Variants in ANO10 observed in about 807,000 individuals in gnomAD.
ANO10 encodes the protein anoctamin 10.
A neutral mutation model predicts 74.7 loss-of-function variants in ANO10; 77 were observed. The observed-to-expected ratio is 1.03, with a 90% CI of 0.86 to 1.25. ANO10 has a LOEUF of 1.25. Among genes scored for constraint, ANO10 ranks in the 50% most tolerant of loss-of-function variants. The pLI, the probability that ANO10 is intolerant of heterozygous loss-of-function variation, is 0.00. For synonymous variants in ANO10, 279 were observed against 284.9 expected (o/e 0.98, Z 0.21); for missense variants, 721 against 778.1 (o/e 0.93, Z 0.87).
intron 11 of ANO10, among the ~76,000 whole-genome samples, chr3:43,474,531 T>C (rs2075993319): frequency 6.6e-6 from 1 of 152,238 alleles, no homozygotes; most frequent in African/African-American, 2.4e-5. Flanking sequence ...TCATTAACTT[T>C]GGTTGTCCAT....
At chr3:43,486,011 A>C in intron 11 of ANO10, 1 of 264,454 alleles carries the variant, frequency 3.8e-6, no homozygotes, top group Non-Finnish European at 7.4e-6. Flanking sequence ...AATGGCTGCC[A>C]CAGGGCCAGC....
chr3:43,581,300 CA>C (rs1316479942), intron 4 of ANO10, among the ~76,000 whole-genome samples: 1 of 152,170 alleles, frequency 6.6e-6, no homozygotes, highest in Non-Finnish European at 1.5e-5. Flanking sequence ...TAGCAAATAA[CA>C]AAATCAAATT....
intron 12 of ANO10, among the ~76,000 whole-genome samples, chr3:43,376,774 C>A (rs1028776673): frequency 6.6e-6 from 1 of 152,220 alleles, no homozygotes; most frequent in Non-Finnish European, 1.5e-5. Context: ...ATGACTTTGG[C>A]ATGGCTCCTT....
chr3:43,380,412 A>T (rs962880208), intron 12 of ANO10, among the ~76,000 whole-genome samples: 2 of 152,230 alleles, frequency 1.3e-5, no homozygotes, highest in African/African-American at 4.8e-5. Context: ...TGAAGGAAAG[A>T]ATCTTAAGAG....
intron 1 of ANO10, among the ~76,000 whole-genome samples, chr3:43,653,519 A>G (rs909263124): frequency 6.6e-6 from 1 of 152,246 alleles, no homozygotes; most frequent in Non-Finnish European, 1.5e-5. Flanking sequence ...AATATAAATC[A>G]AATGCTTAAA....
intron 11 of ANO10, among the ~76,000 whole-genome samples, chr3:43,480,998 A>ATTACTAATTGTATAATAATACAC (rs1339291400): frequency 8.5e-5 from 13 of 152,072 alleles, no homozygotes; most frequent in Non-Finnish European, 1.0e-4. Context: ...TAATAATACA[A>ATTACTAATTGTATAATAATACAC]TATACTAATT....
At chr3:43,497,443 A>G (rs946217869) in intron 11 of ANO10, among the ~76,000 whole-genome samples, 1 of 152,138 alleles carries the variant, frequency 6.6e-6, no homozygotes, top group Non-Finnish European at 1.5e-5. Context: ...CAGAGTTTCA[A>G]CCTCTGGCAA....
chr3:43,378,767 T>C (rs1440054003), intron 12 of ANO10, among the ~76,000 whole-genome samples: 1 of 152,160 alleles, frequency 6.6e-6, no homozygotes, highest in Non-Finnish European at 1.5e-5. Flanking sequence ...ACCCCTTCTA[T>C]AGAGCCTGGG....
rs2149396061 is a variant in ANO10 at position 43,574,855 on chromosome 3, C to A, written c.1172G>T (p.Arg391Ile). 1 of 1,613,916 alleles carries A rather than the reference C, an allele frequency of 6.2e-7. No individual in the cohort carries two copies. The highest frequency in any genetic ancestry group is 1.1e-5 in the South Asian group (1 of 91,076). Residue 391 changes from arginine (R) to isoleucine (I), a missense_variant, in exon 7 of 13, where the codon AGA becomes ATA. Physicochemically the swap from Arg to Ile is moderately conservative, Grantham distance 97. Transcript: ENST00000292246. ...AEFLTSWENHRLESAYQNHLI... is the reference protein window; with the variant it reads ...AEFLTSWENHILESAYQNHLI... ...ATGGTTCTGATAGGCAGATTCCAAT[C>A]TGTGATTCTCTAAAACATTAAAACA...
chr3:43,372,920 CTT>C, intron 12 of ANO10: 1 of 1,425,434 alleles, frequency 7.0e-7, no homozygotes, highest in South Asian at 1.3e-5. Context: ...TGTGAAGCCT[CTT>C]TTTTTCATGC....
intron 4 of ANO10, among the ~76,000 whole-genome samples, chr3:43,585,669 T>C (rs2081449851): frequency 6.6e-6 from 1 of 152,128 alleles, no homozygotes; most frequent in African/African-American, 2.4e-5. Context: ...ATTATCAATG[T>C]GGATGAAAAG....
chr3:43,673,863 T>C (rs1432146464), intron 1 of ANO10, among the ~76,000 whole-genome samples: 1 of 152,152 alleles, frequency 6.6e-6, no homozygotes, highest in Non-Finnish European at 1.5e-5. Flanking sequence ...TCCTTTACTC[T>C]TTCTTCTCTG....
chr3:43,561,214 A>T lies in ANO10; in HGVS notation c.1476+6T>A, dbSNP rs377036141. 3.1e-6 allele frequency: 5 copies of T among 1,614,044 alleles called. No homozygotes were observed. Among genetic ancestry groups the T allele is most frequent in the Non-Finnish European group, 4.2e-6 (5 of 1,179,926 alleles). Reference sequence around the variant, plus strand: ...AAATGTTTAATTCAGCAATATTCCAACTTACCAAATAAGTTCCCATTTCTT... The same window carrying T: ...AAATGTTTAATTCAGCAATATTCCATCTTACCAAATAAGTTCCCATTTCTT... On this transcript the variant is annotated splice_donor_region_variant and intron_variant, in intron 9 of 12. Coordinates refer to ENST00000292246, the MANE Select transcript of ANO10 (RefSeq NM_018075.5).
intron 6 of ANO10, among the ~76,000 whole-genome samples, chr3:43,575,354 A>T (rs1352411527): frequency 6.6e-6 from 1 of 152,230 alleles, no homozygotes; most frequent in African/African-American, 2.4e-5. Context: ...AGATAAAATG[A>T]CAAAAAGGAA....
intron 1 of ANO10, among the ~76,000 whole-genome samples, chr3:43,642,269 C>A (rs2083678324): frequency 6.6e-6 from 1 of 152,188 alleles, no homozygotes; most frequent in Admixed American, 6.5e-5. Flanking sequence ...TTTTCTGTTA[C>A]ACTGAAAGTT....
chr3:43,374,105 T>C (rs1445029041), intron 12 of ANO10, among the ~76,000 whole-genome samples: 1 of 152,160 alleles, frequency 6.6e-6, no homozygotes, highest in Non-Finnish European at 1.5e-5. Context: ...CTCCAGGCTG[T>C]GGGGCTCAGG....
rs566208713 is a variant in ANO10, at chr3:43,483,795, T to C, written c.1798-51068A>G. 9.2e-5 allele frequency among the ~76,000 whole-genome samples: 14 copies of C among 152,250 alleles called. No homozygotes were observed. The South Asian group carries it at 2.3e-3, about 25-fold the overall frequency. On this transcript the variant is annotated intron_variant, in intron 11 of 12. Transcript: ENST00000292246. Reference sequence around the variant, plus strand: ...TGTACATTGGTTCATCCTAAAGAGGTAGGATACCTTGAAACAGGGGCTTAC... The same window carrying C: ...TGTACATTGGTTCATCCTAAAGAGGCAGGATACCTTGAAACAGGGGCTTAC...
chr3:43,532,821 C>G (rs982323062), intron 11 of ANO10, among the ~76,000 whole-genome samples: 17 of 152,136 alleles, frequency 1.1e-4, no homozygotes, highest in African/African-American at 4.1e-4. Flanking sequence ...ATCTCCAACC[C>G]AGAGATTCAA....
At chr3:43,610,590 A>C (rs73087052) in intron 1 of ANO10, among the ~76,000 whole-genome samples, 1,564 of 152,318 alleles carry the variant, frequency 0.01, 15 homozygotes, top group Non-Finnish European at 0.016. Flanking sequence ...CGAATTTCTC[A>C]GCTCTGTTAT....
Sources: allele counts gnomAD v4.1 joint callset (sites outside exome capture counted in the v4.1 genomes callset), GRCh38; gene constraint gnomAD v4.1.1; transcripts MANE v1.5; gene names NCBI Gene and HGNC (gene_info 2026-07-23, HGNC 2026-07-21).